Variants in SMARCA4 observed in about 807,000 individuals in gnomAD.
SMARCA4 encodes SWI/SNF related BAF chromatin remodeling complex subunit ATPase 4.
In SMARCA4, 31 loss-of-function variants were observed where a neutral mutation model predicts 193.9. That is an observed-to-expected ratio of 0.16 (90% CI 0.12 to 0.22). The LOEUF (loss-of-function observed/expected upper bound fraction) is 0.22. Among genes scored for constraint, SMARCA4 ranks in the 10% least tolerant of loss-of-function variants. SMARCA4 has a pLI of 1.00. For synonymous variants in SMARCA4, 942 were observed against 933.1 expected, an observed-to-expected ratio of 1.01 and a Z score of -0.17; for missense variants, 1,148 against 2,296.0, an observed-to-expected ratio of 0.50 and a Z score of 10.22.
At chr19:11,048,530 C>T (rs1237644803) in intron 30 of SMARCA4, among the ~76,000 whole-genome samples, 2 of 152,208 alleles carry the variant, frequency 1.3e-5, no homozygotes, top group African/African-American at 2.4e-5. Flanking sequence ...AAAGAGTGAA[C>T]ACGGGACGTT....
chr19:10,962,612 C>T (rs2145378519), intron 1 of SMARCA4, among the ~76,000 whole-genome samples: 1 of 152,156 alleles, frequency 6.6e-6, no homozygotes, highest in East Asian at 1.9e-4. Context: ...TCCCAATCTC[C>T]GCTCACTGTA....
chr19:11,040,307 A>T (rs543991153), intron 29 of SMARCA4: 1 of 152,064 alleles, frequency 6.6e-6, no homozygotes, highest in East Asian at 1.9e-4. Context: ...AAAATGTCTT[A>T]AAAAGGCCGG....
intron 8 of SMARCA4, among the ~76,000 whole-genome samples, chr19:10,994,260 C>T (rs923072658): frequency 3.3e-5 from 5 of 149,598 alleles, no homozygotes; most frequent in African/African-American, 1.2e-4. Context: ...CTGGGCTGGT[C>T]TCGAACTCCT....
At position 10,985,468 on chromosome 19, in the gene SMARCA4, C is replaced by G. The variant is rs2085945524; in HGVS notation, c.355+63C>G. On this transcript the variant is annotated intron_variant, in intron 3 of 34. Coordinates refer to ENST00000344626, the MANE Select transcript of SMARCA4 (RefSeq NM_003072.5). This position sits in a 1 kb window ranked among gnomAD's most constrained non-coding sequence, Gnocchi z 4.5. ...TACTCCAGAGTCCTCAGATCATTTT[C>G]CTCCCCTGGGTTCCCACAGGATGGA... 1.3e-6 allele frequency: 2 copies of G among 1,588,548 alleles called. No individual in the cohort carries two copies. The highest frequency in any genetic ancestry group is 2.7e-5 in the African/African-American group (2 of 74,616).
chr19:11,060,185 G>A lies in SMARCA4; in HGVS notation c.4909G>A (p.Glu1637Lys), dbSNP rs1298648044. The change falls in exon 34 of 35, where the codon GAG (glutamate) becomes AAG (lysine). Residue 1637 changes from glutamate (E) to lysine (K), a missense_variant and splice_region_variant. Glu to Lys is a moderately conservative substitution (Grantham distance 56, BLOSUM62 1). Transcript: ENST00000344626. ...CGATGACAGTGAGGAGGAACAAGAGGAGGTGAGGCCGGGCCCCCGAGCAGG... is the reference window on the plus strand; with the variant it reads ...CGATGACAGTGAGGAGGAACAAGAGAAGGTGAGGCCGGGCCCCCGAGCAGG... Reference protein sequence around the residue: ...SDDDSEEEQEEDRSGSGSEED With the variant: ...SDDDSEEEQEKDRSGSGSEED 6.4e-7 allele frequency: 1 copy of A among 1,550,930 alleles called. No individual in the cohort carries two copies. The highest frequency in any genetic ancestry group is 1.4e-5 in the African/African-American group (1 of 73,168).
intron 1 of SMARCA4, among the ~76,000 whole-genome samples, chr19:10,980,036 A>G (rs75640197): frequency 0.046 from 6,992 of 152,214 alleles, 227 homozygotes; most frequent in African/African-American, 0.077. Flanking sequence ...TTGTGCTGCA[A>G]GTCGGCCAGT....
Position 11,062,092 on chromosome 19 carries a change from C to T in SMARCA4, c.*276C>T, listed in dbSNP as rs2076927054. ...ACACACGATACCTGTTTTTCTTTTC[C>T]GTTGCTGGCAGTACTGTTGCGCCGC... On this transcript the variant is annotated 3_prime_UTR_variant, in exon 35 of 35. Transcript: ENST00000344626. 7 of 535,640 alleles carry T rather than the reference C, an allele frequency of 1.3e-5. No homozygotes were observed. Among genetic ancestry groups the T allele is most frequent in the Admixed American group, 3.1e-5 (1 of 32,080 alleles). The allele number at this position is 535,640 out of a possible 1,614,324, so 33.2% of individuals were successfully genotyped here. A position where few individuals can be genotyped will look rare whatever the true frequency, so the allele number is the denominator to read the frequency against.
rs527780442 is a variant in SMARCA4 at position 11,062,148 on chromosome 19, G to C, written c.*332G>C. 6 of 457,420 alleles carry C rather than the reference G, an allele frequency of 1.3e-5. No homozygotes were observed. In the Admixed American group the frequency reaches 2.1e-4, roughly 16 times the overall value. 28.3% of individuals were successfully genotyped at this position (457,420 alleles called of 1,614,324 possible). ...GGAGTCACTGTAGTTAAGTGTGGAT[G>C]CATGTGCGTCACCGTCCACTCCTCC... is the stretch of plus-strand genomic sequence containing the variant. On this transcript the variant is annotated 3_prime_UTR_variant, in exon 35 of 35. Coordinates refer to ENST00000344626, the MANE Select transcript of SMARCA4 (RefSeq NM_003072.5).
At chr19:11,036,200 GA>G (rs1467004662) in intron 29 of SMARCA4, among the ~76,000 whole-genome samples, 4 of 152,342 alleles carry the variant, frequency 2.6e-5, no homozygotes, top group East Asian at 3.9e-4. Flanking sequence ...ACCCAGAAGA[GA>G]AACCCTGAAA....
intron 1 of SMARCA4, chr19:10,965,337 C>T (rs1031548723): frequency 2.1e-4 from 32 of 152,186 alleles, no homozygotes; most frequent in Admixed American, 1.6e-3. Context: ...GCTGAACAAC[C>T]AGTGACAAAT....
chr19:11,000,137 G>A (rs1385949695), intron 11 of SMARCA4, among the ~76,000 whole-genome samples: 2 of 151,634 alleles, frequency 1.3e-5, no homozygotes, highest in African/African-American at 4.8e-5. Flanking sequence ...TGAGGCAGGA[G>A]AATTGGTTGA....
At chr19:11,001,330 A>G (rs1259342886) in intron 11 of SMARCA4, among the ~76,000 whole-genome samples, 1 of 152,102 alleles carries the variant, frequency 6.6e-6, no homozygotes, top group Admixed American at 6.6e-5. Flanking sequence ...TTACCTGGGC[A>G]TGGTGGTGTG....
chr19:10,971,144 T>G (rs1286937000), intron 1 of SMARCA4, among the ~76,000 whole-genome samples: 1 of 152,006 alleles, frequency 6.6e-6, no homozygotes. Flanking sequence ...TGCAGTGAGC[T>G]GAGATCGCAC....
At chr19:11,054,787 A>C (rs1414504410) in intron 30 of SMARCA4, among the ~76,000 whole-genome samples, 1 of 152,108 alleles carries the variant, frequency 6.6e-6, no homozygotes, top group Admixed American at 6.6e-5. Context: ...TCAGCTATTA[A>C]GAGGTGTGGG....
rs571366505 is a variant in SMARCA4, at chr19:10,987,790, G to A, written c.984G>A (p.Pro328=). 18 of 1,600,916 alleles carry A rather than the reference G, an allele frequency of 1.1e-5. No individual in the cohort carries two copies. In the East Asian group the frequency reaches 1.4e-4, roughly 12 times the overall value. ...VPPAASPVMP[P]QTQSPGQPAQ... Reference sequence around the variant, plus strand: ...CCGCCGCCTCGCCCGTGATGCCACCGCAGACCCAGTCCCCCGGGCAGCCGG... The same window carrying A: ...CCGCCGCCTCGCCCGTGATGCCACCACAGACCCAGTCCCCCGGGCAGCCGG... Residue 328 remains proline (P), a synonymous_variant, in exon 6 of 35, where the codon CCG becomes CCA. Coordinates refer to ENST00000344626, the MANE Select transcript of SMARCA4 (RefSeq NM_003072.5). This position sits in a 1 kb window ranked among gnomAD's most constrained non-coding sequence, Gnocchi z 5.3.
Position 11,019,336 on chromosome 19 carries a change from G to A in SMARCA4, c.2506-255G>A, listed in dbSNP as rs1054587184. 2.5e-5 allele frequency: 15 copies of A among 605,368 alleles called. No individual in the cohort carries two copies. Among genetic ancestry groups the A allele is most frequent in the African/African-American group, 2.0e-4 (11 of 54,116 alleles). 37.5% of individuals were successfully genotyped at this position (605,368 alleles called of 1,614,324 possible). A position where few individuals can be genotyped will look rare whatever the true frequency, so the allele number is the denominator to read the frequency against. On this transcript the variant is annotated intron_variant, in intron 17 of 34. Transcript: ENST00000344626. The surrounding 1 kb of genome is among the most constrained non-coding windows in gnomAD (Gnocchi z 6.1). Reference sequence around the variant, plus strand: ...CAGCCACCAGGAATGTGCAGATGGCGGTGCAGGCTGCGTGGTTCCCTCAGG... The same window carrying A: ...CAGCCACCAGGAATGTGCAGATGGCAGTGCAGGCTGCGTGGTTCCCTCAGG...
In SMARCA4 at chr19:11,058,838, C is replaced by T. The variant is rs9105; in HGVS notation, c.4584C>T (p.Asp1528=). The T allele has an allele frequency of 0.051, 82,340 of 1,614,024 alleles. 2,397 individuals are homozygous for T. Among genetic ancestry groups the T allele is most frequent in the Non-Finnish European group, 0.059 (69,836 of 1,179,944 alleles). ...GCAGCCTCAACGACCTAGAGAAGGA[C>T]GTCATGCTCCTGTGCCAGAACGCAC... ...KYRSLNDLEK[D]VMLLCQNAQT... Residue 1528 remains aspartate, a synonymous_variant, in exon 32 of 35, where the codon GAC becomes GAT. Coordinates refer to ENST00000344626, the MANE Select transcript of SMARCA4 (RefSeq NM_003072.5). The surrounding 1 kb of genome is among the most constrained non-coding windows in gnomAD (Gnocchi z 5.8).
At chr19:11,038,630 G>A (rs1205160433) in intron 29 of SMARCA4, among the ~76,000 whole-genome samples, 2 of 152,174 alleles carry the variant, frequency 1.3e-5, no homozygotes, top group African/African-American at 4.8e-5. Flanking sequence ...GTTGCTGTCT[G>A]ATCACCATCT....
At chr19:11,044,746 A>T (rs1183060629) in intron 30 of SMARCA4, among the ~76,000 whole-genome samples, 1 of 152,178 alleles carries the variant, frequency 6.6e-6, no homozygotes, top group African/African-American at 2.4e-5. Flanking sequence ...TGCAGAAGAT[A>T]ATATTTTCTG....
Sources: gnomAD v4.1 joint callset for allele counts (sites outside exome capture counted in the v4.1 genomes callset) on GRCh38, gnomAD v4.1.1 for gene constraint, Gnocchi (gnomAD v3.1) non-coding constraint, MANE v1.5 for transcripts, NCBI Gene and HGNC (gene_info 2026-07-23, HGNC 2026-07-21) for gene names.